PKP4: variants seen among roughly 807,000 people sequenced by gnomAD.
PKP4 encodes plakophilin 4.
PKP4 carries 90 observed loss-of-function variants against 145.1 expected under a neutral mutation model. That is an observed-to-expected ratio of 0.62 (90% CI 0.52 to 0.74). The LOEUF (loss-of-function observed/expected upper bound fraction) is 0.74, where lower values mean the gene tolerates loss of function less well. Among genes scored for constraint, PKP4 ranks in the 30% least tolerant of loss-of-function variants. The pLI is 0.00. For missense variants in PKP4, 1,340 were observed against 1,482.7 expected (o/e 0.90, Z 1.58); for synonymous variants, 563 against 577.2 (o/e 0.98, Z 0.35).
chr2:158,551,597 T>G (rs1255870294), intron 2 of PKP4, among the ~76,000 whole-genome samples: 2 of 152,250 alleles, frequency 1.3e-5, no homozygotes, highest in African/African-American at 4.8e-5. Context: ...AAGAGTAATT[T>G]CTAAAATAAA....
At chr2:158,619,184 G>A (rs2051950103) in intron 4 of PKP4, among the ~76,000 whole-genome samples, 1 of 152,184 alleles carries the variant, frequency 6.6e-6, no homozygotes, top group Non-Finnish European at 1.5e-5. Flanking sequence ...GAGAATTACT[G>A]TATAAGAATG....
At chr2:158,640,525 T>G in intron 9 of PKP4, 102 bp from the exon 10 acceptor site, 2 of 1,280,264 alleles carry the variant, frequency 1.6e-6, no homozygotes, top group Non-Finnish European at 2.2e-6. Context: ...TAACTTCCCA[T>G]TTTTGTCTCA....
In PKP4 at chr2:158,501,469, T is replaced by A. The variant is rs568976469; in HGVS notation, c.-5-31711T>A. ...TGTGCTTTTGTGCATCTTCACAGAT[T>A]TCTCTCTCCCTACCCTGCACAGCCT... On this transcript the variant is annotated intron_variant, in intron 1 of 21. Transcript: ENST00000389759. Among the ~76,000 whole-genome samples the A allele has an allele frequency of 5.3e-5, 8 of 152,324 alleles. No individual in the cohort carries two copies. In the South Asian group the frequency reaches 1.4e-3, roughly 28 times the overall value.
chr2:158,648,503 A>T (rs1167385857), intron 11 of PKP4, among the ~76,000 whole-genome samples: 1 of 152,198 alleles, frequency 6.6e-6, no homozygotes, highest in East Asian at 1.9e-4. Flanking sequence ...CAGGATGAAA[A>T]CAGTTTACGA....
chr2:158,562,636 A>G (rs1358521380), intron 2 of PKP4, among the ~76,000 whole-genome samples: 1 of 152,228 alleles, frequency 6.6e-6, no homozygotes, highest in Admixed American at 6.5e-5. Flanking sequence ...GTTAGCATAT[A>G]TTTTGTCACA....
At chr2:158,562,897 G>T (rs1410426635) in intron 2 of PKP4, among the ~76,000 whole-genome samples, 1 of 152,050 alleles carries the variant, frequency 6.6e-6, no homozygotes, top group African/African-American at 2.4e-5. Context: ...AGAATGATTA[G>T]GTAGATATAA....
rs769663935 is a variant in PKP4 at position 158,631,888 on chromosome 2, A to C, written c.1289A>C (p.His430Pro). 1.9e-5 allele frequency: 30 copies of C among 1,614,028 alleles called. No homozygotes were observed. In the Middle Eastern group the frequency reaches 8.2e-4, roughly 44 times the overall value. The change falls in exon 8 of 22, where the codon CAT (histidine) becomes CCT (proline). Residue 430 changes from histidine to proline, a missense_variant. Transcript: ENST00000389759. ...AGCCCAGTGTACCGCAGCCCAAACC[A>C]TGGAACTGTGGAGCTCCAAGGATCG... The part of the protein sequence containing the change: ...YYSPVYRSPN[H>P]GTVELQGSQT...
intron 2 of PKP4, among the ~76,000 whole-genome samples, chr2:158,542,050 A>G (rs1224335432): frequency 1.3e-5 from 2 of 152,134 alleles, no homozygotes; most frequent in Non-Finnish European, 2.9e-5. Flanking sequence ...TCTTTTGAAA[A>G]TACTTCTGTT....
chr2:158,519,144 T>C (rs2042148721), intron 1 of PKP4, among the ~76,000 whole-genome samples: 1 of 149,094 alleles, frequency 6.7e-6, no homozygotes, highest in South Asian at 2.1e-4. Context: ...AAAATCTCTC[T>C]CTTTTTTTTT....
At chr2:158,668,913 CT>C (rs2057341624) in intron 16 of PKP4, among the ~76,000 whole-genome samples, 1 of 152,146 alleles carries the variant, frequency 6.6e-6, no homozygotes, top group African/African-American at 2.4e-5. Flanking sequence ...TAGTTCATTT[CT>C]TTTGTTTGTA....
chr2:158,476,626 C>T (rs1438937146), intron 1 of PKP4, among the ~76,000 whole-genome samples: 1 of 152,120 alleles, frequency 6.6e-6, no homozygotes, highest in Admixed American at 6.5e-5. Flanking sequence ...CCACTGTACT[C>T]AGCCCCTGAA....
intron 1 of PKP4, among the ~76,000 whole-genome samples, chr2:158,478,337 C>G (rs1267178923): frequency 2.0e-5 from 3 of 151,782 alleles, no homozygotes; most frequent in African/African-American, 7.3e-5. Flanking sequence ...GGGGTTTTCA[C>G]AAGCAGATGA....
intron 1 of PKP4, among the ~76,000 whole-genome samples, chr2:158,485,782 A>G (rs1413282639): frequency 6.6e-6 from 1 of 152,140 alleles, no homozygotes; most frequent in African/African-American, 2.4e-5. Context: ...ATGGCTGAAG[A>G]TTTGTTTTTG....
intron 1 of PKP4, among the ~76,000 whole-genome samples, chr2:158,495,159 A>G (rs1695499172): frequency 6.6e-6 from 1 of 152,082 alleles, no homozygotes. Context: ...CGGAGGTTGC[A>G]GTGAGCCGAG....
At chr2:158,554,001 G>C (rs962770508) in intron 2 of PKP4, among the ~76,000 whole-genome samples, 3 of 152,038 alleles carry the variant, frequency 2.0e-5, no homozygotes, top group Admixed American at 6.6e-5. Flanking sequence ...TTGGGACATG[G>C]GACAGACATG....
chr2:158,582,214 A>G (rs1421593032), intron 3 of PKP4, among the ~76,000 whole-genome samples: 1 of 152,222 alleles, frequency 6.6e-6, no homozygotes, highest in African/African-American at 2.4e-5. Flanking sequence ...ATGAATTAAT[A>G]AAGAAGTTAT....
intron 11 of PKP4, among the ~76,000 whole-genome samples, chr2:158,646,472 C>G (rs2054838037): frequency 6.6e-6 from 1 of 152,294 alleles, no homozygotes; most frequent in East Asian, 1.9e-4. Flanking sequence ...CAATATAAAT[C>G]TAGCATAGTT....
chr2:158,526,749 C>G lies in PKP4; in HGVS notation c.-5-6431C>G, dbSNP rs1002226419. On this transcript the variant is annotated intron_variant, in intron 1 of 21. Coordinates refer to ENST00000389759, the MANE Select transcript of PKP4 (RefSeq NM_003628.6). Reference sequence around the variant, plus strand: ...ATCTAGAAAACCCCATTGTCTCAGCCCAAAATCTCCTTAAGCTGATAAGCA... The same window carrying G: ...ATCTAGAAAACCCCATTGTCTCAGCGCAAAATCTCCTTAAGCTGATAAGCA... Among the ~76,000 whole-genome samples, 56 of 77,938 alleles carry G rather than the reference C, an allele frequency of 7.2e-4. 4 individuals are homozygous for G. The East Asian group carries it at 0.018, about 24-fold the overall frequency. The allele number at this position is 77,938 out of a possible 152,430, so 51.1% of individuals were successfully genotyped here.
intron 20 of PKP4, chr2:158,677,465 C>A (rs2058104298): frequency 1.2e-5 from 2 of 166,926 alleles, no homozygotes; most frequent in South Asian, 3.0e-4. Flanking sequence ...TTAAAGGATA[C>A]CAGCCCAAAG....
Sources: allele counts gnomAD v4.1 joint callset (sites outside exome capture counted in the v4.1 genomes callset), GRCh38; gene constraint gnomAD v4.1.1; transcripts MANE v1.5; gene names NCBI Gene and HGNC (gene_info 2026-07-23, HGNC 2026-07-21).